The following GAL variants were observed in gnomAD, a reference collection of about 807,000 sequenced individuals.
GAL encodes the protein galanin and GMAP prepropeptide.
A neutral mutation model predicts 15.8 loss-of-function variants in GAL; 14 were observed. The observed-to-expected ratio is 0.89, with a 90% CI of 0.59 to 1.39. GAL has a LOEUF of 1.39. Ranked by LOEUF, GAL falls within the 40% of genes most tolerant of loss-of-function variation. The probability of loss-of-function intolerance (pLI) is 0.00; values close to 1 mark genes in which losing one functional copy is unlikely to be tolerated. For synonymous variants in GAL, 79 were observed against 73.8 expected (o/e 1.07, Z -0.36); for missense variants, 176 against 170.4 (o/e 1.03, Z -0.18).
intron 2 of GAL, 58 bp from the exon 3 acceptor site, chr11:68,685,536 C>T: frequency 8.5e-7 from 1 of 1,180,040 alleles, no homozygotes; most frequent in Non-Finnish European, 1.3e-6. Flanking sequence ...TGGGTGCACC[C>T]ATTCAGCATA....
chr11:68,688,668 C>A (rs1196719937), intron 4 of GAL, among the ~76,000 whole-genome samples, 181 bp from the exon 5 acceptor site: 1 of 152,090 alleles, frequency 6.6e-6, no homozygotes, highest in Non-Finnish European at 1.5e-5. Flanking sequence ...AGGCCTCGAA[C>A]TGGATATCTC....
chr11:68,686,639 C>T (rs631097), intron 3 of GAL, among the ~76,000 whole-genome samples: 3,058 of 152,268 alleles, frequency 0.02, 91 homozygotes, highest in African/African-American at 0.064. Flanking sequence ...ATGACAGAGC[C>T]GCCTGAGGCC....
At chr11:68,686,355 C>A (rs1461705743) in intron 3 of GAL, among the ~76,000 whole-genome samples, 1 of 152,212 alleles carries the variant, frequency 6.6e-6, no homozygotes. Flanking sequence ...TGGTTCCCTC[C>A]TGTAACTCAC....
intron 4 of GAL, 147 bp from the exon 5 acceptor site, chr11:68,688,702 G>A (rs1157086313): frequency 3.3e-6 from 2 of 608,492 alleles, no homozygotes; most frequent in East Asian, 5.5e-5. Flanking sequence ...CATTGAACAA[G>A]GGCCTTGGAA....
rs770259347 is a variant in GAL at position 68,691,013 on chromosome 11, G to A, written c.*26G>A. ...GAGCCTCCTGGGCATGTTTGTCTGT[G>A]TGCTGTAACCTGAAGTCAAACCTTA... On this transcript the variant is annotated 3_prime_UTR_variant, in exon 6 of 6. Transcript: ENST00000265643. 3.4e-6 allele frequency: 5 copies of A among 1,462,908 alleles called. No homozygotes were observed. In the Admixed American group the frequency reaches 5.0e-5, roughly 15 times the overall value. 90.6% of individuals were successfully genotyped at this position (1,462,908 alleles called of 1,614,324 possible).
chr11:68,686,591 G>A (rs1182161588), intron 3 of GAL, among the ~76,000 whole-genome samples: 2 of 152,190 alleles, frequency 1.3e-5, no homozygotes, highest in African/African-American at 4.8e-5. Context: ...GTCACTCAGA[G>A]GACCCCCAGA....
chr11:68,691,100 G>T lies in GAL; in HGVS notation c.*113G>T. The T allele has an allele frequency of 2.8e-6, 2 of 704,372 alleles. No homozygotes were observed. The highest frequency in any genetic ancestry group is 2.6e-5 in the East Asian group (1 of 39,172). The allele number at this position is 704,372 out of a possible 1,614,324, so 43.6% of individuals were successfully genotyped here. ...CAGCCATTCCTGTTCTCTTTGCCTT[G>T]ATGTTGTGTTGTTATCATTTAAGAT... On this transcript the variant is annotated 3_prime_UTR_variant, in exon 6 of 6. Coordinates refer to ENST00000265643, the MANE Select transcript of GAL (RefSeq NM_015973.5).
At chr11:68,686,820 T>G (rs1009955749) in intron 3 of GAL, among the ~76,000 whole-genome samples, 9 of 152,370 alleles carry the variant, frequency 5.9e-5, no homozygotes, top group Admixed American at 5.9e-4. Context: ...CTTTGTGTGC[T>G]ACGGGCCCAA....
Position 68,691,105 on chromosome 11 carries a change from TG to T in GAL, c.*119del, listed in dbSNP as rs1336728463. 3.0e-6 allele frequency: 2 copies of T among 677,778 alleles called. No homozygotes were observed. The highest frequency in any genetic ancestry group is 5.3e-6 in the Non-Finnish European group (2 of 379,118). 42.0% of individuals were successfully genotyped at this position (677,778 alleles called of 1,614,324 possible). ...ATTCCTGTTCTCTTTGCCTTGATGTTGTGTTGTTATCATTTAAGATTTTTTT... is the reference window on the plus strand; with the variant it reads ...ATTCCTGTTCTCTTTGCCTTGATGTTTGTTGTTATCATTTAAGATTTTTTT... On this transcript the variant is annotated 3_prime_UTR_variant, in exon 6 of 6. Coordinates refer to ENST00000265643, the MANE Select transcript of GAL (RefSeq NM_015973.5).
At chr11:68,689,348 TTC>T (rs1419721929) in intron 5 of GAL, among the ~76,000 whole-genome samples, 3 of 152,108 alleles carry the variant, frequency 2.0e-5, no homozygotes, top group Non-Finnish European at 4.4e-5. Flanking sequence ...TCTCTTTTCT[TTC>T]TTTCTTCTTT....
intron 2 of GAL, among the ~76,000 whole-genome samples, 171 bp from the exon 3 acceptor site, chr11:68,685,423 A>G (rs1428907100): frequency 1.3e-5 from 2 of 152,204 alleles, no homozygotes; most frequent in Admixed American, 1.3e-4. Flanking sequence ...AAGTGGTTCC[A>G]TTTTCATGTC....
intron 3 of GAL, among the ~76,000 whole-genome samples, chr11:68,686,464 G>A (rs2153989785): frequency 6.6e-6 from 1 of 152,286 alleles, no homozygotes; most frequent in East Asian, 1.9e-4. Context: ...TCTGAGCCCC[G>A]CGGAGCAGCA....
rs1479396410 is a variant in GAL at position 68,684,983 on chromosome 11, C to T, written c.60C>T (p.Ala20=). 2.5e-6 allele frequency: 4 copies of T among 1,602,616 alleles called. No homozygotes were observed. The highest frequency in any genetic ancestry group is 1.3e-5 in the African/African-American group (1 of 74,676). ...ASLLLAAALS[A]SAGLWSPAKE... ...TCCTCCTCGCCGCGGCCCTTTCTGC[C>T]TCTGCGGGGCTCTGGTCGCCGGTAA... Residue 20 remains alanine (A), a synonymous_variant, in exon 2 of 6, where the codon GCC becomes GCT. Transcript: ENST00000265643.
In GAL at chr11:68,691,000, CATGTTTGTCTGTGTGCTGTAACCTGAAGT is replaced by C. The variant is rs1187404574; in HGVS notation, c.*14_*42del. 6.3e-7 allele frequency: 1 copy of C among 1,575,384 alleles called. No homozygotes were observed. Among genetic ancestry groups the C allele is most frequent in the Admixed American group, 1.7e-5 (1 of 59,958 alleles). On this transcript the variant is annotated 3_prime_UTR_variant, in exon 6 of 6. Coordinates refer to ENST00000265643, the MANE Select transcript of GAL (RefSeq NM_015973.5). Reference sequence around the variant, plus strand: ...CGAGCGGTCCTGAGAGCCTCCTGGGCATGTTTGTCTGTGTGCTGTAACCTGAAGTCAAACCTTAAGATAATGGATAATCT... The same window carrying C: ...CGAGCGGTCCTGAGAGCCTCCTGGGCCAAACCTTAAGATAATGGATAATCT...
At chr11:68,686,505 C>T (rs1252251625) in intron 3 of GAL, among the ~76,000 whole-genome samples, 2 of 152,226 alleles carry the variant, frequency 1.3e-5, no homozygotes, top group African/African-American at 2.4e-5. Flanking sequence ...TCTCCCCATG[C>T]CAAGGAAAGC....
At position 68,687,875 on chromosome 11, in the gene GAL, G is replaced by T. The variant is rs527982386; in HGVS notation, c.137-139G>T. On this transcript the variant is annotated intron_variant, in intron 3 of 5. Coordinates refer to ENST00000265643, the MANE Select transcript of GAL (RefSeq NM_015973.5). ...GTGGAGAATCGCTCCCTCTGCTCTG[G>T]TGTCTGTCCCTGGGCTCTATTTCAC... 1.4e-5 allele frequency: 9 copies of T among 639,020 alleles called. 1 individual carries two copies. The South Asian group carries it at 1.7e-4, about 12-fold the overall frequency. The allele number at this position is 639,020 out of a possible 1,614,324, so 39.6% of individuals were successfully genotyped here. A position where few individuals can be genotyped will look rare whatever the true frequency, so the allele number is the denominator to read the frequency against.
intron 5 of GAL, among the ~76,000 whole-genome samples, chr11:68,690,569 A>G (rs538948146): frequency 4.6e-5 from 7 of 152,250 alleles, no homozygotes; most frequent in Admixed American, 3.9e-4. Context: ...GACTTTTCCT[A>G]CAAGGGGCAG....
chr11:68,689,770 C>T (rs1337657979), intron 5 of GAL, among the ~76,000 whole-genome samples: 1 of 152,254 alleles, frequency 6.6e-6, no homozygotes, highest in Non-Finnish European at 1.5e-5. Context: ...TCTATGCAGC[C>T]TTCCTGCCAG....
At position 68,691,132 on chromosome 11, in the gene GAL, T is replaced by G; in HGVS notation, c.*145T>G. 1.7e-6 allele frequency: 1 copy of G among 598,078 alleles called. No homozygotes were observed. The highest frequency in any genetic ancestry group is 3.0e-6 in the Non-Finnish European group (1 of 334,794). The allele number at this position is 598,078 out of a possible 1,614,324, so 37.0% of individuals were successfully genotyped here. A position where few individuals can be genotyped will look rare whatever the true frequency, so the allele number is the denominator to read the frequency against. ...TGTTGTTATCATTTAAGATTTTTTT[T>G]TTTTGGTAATTATTTTGAGTGGCAA... is the stretch of plus-strand genomic sequence containing the variant. On this transcript the variant is annotated 3_prime_UTR_variant, in exon 6 of 6. Transcript: ENST00000265643.
Sources: gnomAD v4.1 joint callset for allele counts (sites outside exome capture counted in the v4.1 genomes callset) on GRCh38, gnomAD v4.1.1 for gene constraint, MANE v1.5 for transcripts, NCBI Gene and HGNC (gene_info 2026-07-23, HGNC 2026-07-21) for gene names.